Variants in NRXN1 observed in about 807,000 individuals in gnomAD.
NRXN1 encodes the protein neurexin 1, also known as neurexin-1.
In NRXN1, 39 loss-of-function variants were observed where a neutral mutation model predicts 150.9. The ratio of observed to expected loss-of-function variants is 0.26; its 90% CI spans 0.20 to 0.34. NRXN1 has a LOEUF of 0.34. Among genes scored for constraint, NRXN1 ranks in the 10% least tolerant of loss-of-function variants. The probability of loss-of-function intolerance (pLI) is 1.00; values close to 1 mark genes in which losing one functional copy is unlikely to be tolerated. For missense variants in NRXN1, 1,815 were observed against 1,949.9 expected (o/e 0.93, Z 1.30); for synonymous variants, 924 against 757.0 (o/e 1.22, Z -3.62).
intron 5 of NRXN1, among the ~76,000 whole-genome samples, chr2:50,678,919 A>G (rs1358314165): frequency 6.6e-6 from 1 of 152,064 alleles, no homozygotes; most frequent in African/African-American, 2.4e-5. Flanking sequence ...CTCAAAAGGG[A>G]ATTTATGAGA....
chr2:50,758,810 C>G (rs1574374711), intron 5 of NRXN1, among the ~76,000 whole-genome samples: 1 of 151,820 alleles, frequency 6.6e-6, no homozygotes, highest in African/African-American at 2.4e-5. Flanking sequence ...CTATTCGCAC[C>G]AACCTAATCA....
intron 5 of NRXN1, among the ~76,000 whole-genome samples, chr2:50,795,212 G>T (rs1251302399): frequency 2.6e-5 from 4 of 152,050 alleles, no homozygotes; most frequent in Non-Finnish European, 5.9e-5. Context: ...TTACCTGGAG[G>T]GTTTGGTAAG....
intron 5 of NRXN1, among the ~76,000 whole-genome samples, chr2:50,849,982 G>T (rs1164106439): frequency 6.6e-6 from 1 of 152,054 alleles, no homozygotes; most frequent in Non-Finnish European, 1.5e-5. Flanking sequence ...GAGGCAGGAA[G>T]ATCGCTTGAG....
In NRXN1 at chr2:50,347,748, G is replaced by T; in HGVS notation, c.3365-110778C>A. The T allele has an allele frequency of 1.0e-6, 1 of 986,242 alleles. No homozygotes were observed. Among genetic ancestry groups the T allele is most frequent in the Non-Finnish European group, 1.2e-6 (1 of 830,624 alleles). The allele number at this position is 986,242 out of a possible 1,614,324, so 61.1% of individuals were successfully genotyped here. ...AGAAACAGAAAAAGAAAAAGAAAAAGAAAAAAAGAAAAGAAAAACCACACA... is the reference window on the plus strand; with the variant it reads ...AGAAACAGAAAAAGAAAAAGAAAAATAAAAAAAGAAAAGAAAAACCACACA... On this transcript the variant is annotated intron_variant, in intron 17 of 22. Transcript: ENST00000401669. This position sits in a 1 kb window ranked among gnomAD's most constrained non-coding sequence, Gnocchi z 4.9.
At chr2:50,817,159 T>C (rs986696114) in intron 5 of NRXN1, among the ~76,000 whole-genome samples, 6 of 152,034 alleles carry the variant, frequency 3.9e-5, no homozygotes, top group South Asian at 2.1e-4. Flanking sequence ...TAAAAGGAGA[T>C]ACAACAGAGT....
At chr2:50,294,751 G>T (rs2073363763) in intron 17 of NRXN1, among the ~76,000 whole-genome samples, 1 of 152,156 alleles carries the variant, frequency 6.6e-6, no homozygotes, top group African/African-American at 2.4e-5. Flanking sequence ...TAAAATATCA[G>T]AACTTGCTGG....
intron 5 of NRXN1, among the ~76,000 whole-genome samples, chr2:50,861,596 G>T (rs980827307): frequency 6.6e-6 from 1 of 152,018 alleles, no homozygotes; most frequent in East Asian, 1.9e-4. Flanking sequence ...CCAGAGGAGC[G>T]TTTAGTCCAT....
At chr2:51,014,238 T>C (rs1668324590) in intron 2 of NRXN1, among the ~76,000 whole-genome samples, 3 of 151,926 alleles carry the variant, frequency 2.0e-5, no homozygotes, top group African/African-American at 4.8e-5. Context: ...TGATAGTGGG[T>C]AAAATAAACA....
At chr2:50,036,262 G>C (rs1382059541) in intron 21 of NRXN1, among the ~76,000 whole-genome samples, 1 of 152,076 alleles carries the variant, frequency 6.6e-6, no homozygotes, top group African/African-American at 2.4e-5. Context: ...GTGTGTGGTA[G>C]TTTCTCCTGC....
chr2:50,814,304 C>G (rs1320144251), intron 5 of NRXN1, among the ~76,000 whole-genome samples: 2 of 151,990 alleles, frequency 1.3e-5, no homozygotes, highest in African/African-American at 4.8e-5. Flanking sequence ...CCTTTCTTCT[C>G]AATTTTTTAA....
At chr2:50,683,591 C>T in intron 5 of NRXN1, among the ~76,000 whole-genome samples, 1 of 120,544 alleles carries the variant, frequency 8.3e-6, no homozygotes, top group Non-Finnish European at 1.7e-5. Flanking sequence ...AAGATCAAGC[C>T]ACTGCACTCC....
At chr2:50,394,747 A>G (rs2081956021) in intron 17 of NRXN1, among the ~76,000 whole-genome samples, 1 of 152,076 alleles carries the variant, frequency 6.6e-6, no homozygotes, top group South Asian at 2.1e-4. Flanking sequence ...TGGCTTTCTA[A>G]CACACTTAGG....
chr2:50,006,097 A>G (rs1684712838), intron 21 of NRXN1, among the ~76,000 whole-genome samples: 1 of 152,110 alleles, frequency 6.6e-6, no homozygotes, highest in Non-Finnish European at 1.5e-5. Flanking sequence ...ATTTGTAGAC[A>G]TGGAACTTCC....
intron 5 of NRXN1, among the ~76,000 whole-genome samples, chr2:50,759,292 T>C (rs531106097): frequency 3.9e-5 from 6 of 151,992 alleles, no homozygotes; most frequent in South Asian, 4.1e-4. Context: ...CAAAATCCCA[T>C]TGAAAACTCA....
At chr2:50,815,689 T>G (rs1219148847) in intron 5 of NRXN1, among the ~76,000 whole-genome samples, 1 of 152,178 alleles carries the variant, frequency 6.6e-6, no homozygotes, top group Non-Finnish European at 1.5e-5. Flanking sequence ...TGTGTGTATG[T>G]ATATGTGTGT....
At chr2:50,227,328 T>C (rs892046538) in intron 18 of NRXN1, among the ~76,000 whole-genome samples, 1 of 151,920 alleles carries the variant, frequency 6.6e-6, no homozygotes, top group Non-Finnish European at 1.5e-5. Flanking sequence ...TTGGGAAAAA[T>C]ACTTAAAGAA....
At chr2:51,010,578 T>C (rs965191314) in intron 2 of NRXN1, among the ~76,000 whole-genome samples, 2 of 152,032 alleles carry the variant, frequency 1.3e-5, no homozygotes, top group Non-Finnish European at 2.9e-5. Context: ...AGTGCTAATA[T>C]ATTTGTGAGG....
At chr2:50,329,381 G>C (rs562480841) in intron 17 of NRXN1, among the ~76,000 whole-genome samples, 3 of 150,604 alleles carry the variant, frequency 2.0e-5, no homozygotes, top group African/African-American at 7.3e-5. Flanking sequence ...AAAATGATAA[G>C]GACTGAAAAT....
intron 18 of NRXN1, among the ~76,000 whole-genome samples, chr2:50,107,540 T>TATATATATATATATATATATATATATA (rs1553617159): frequency 9.1e-6 from 1 of 110,472 alleles, no homozygotes; most frequent in African/African-American, 3.4e-5. Flanking sequence ...TATATATATA[T>TATATATATATATATATATATATATATA]TTTTTTTTTT....
Sources: allele counts gnomAD v4.1 joint callset (sites outside exome capture counted in the v4.1 genomes callset), GRCh38; gene constraint gnomAD v4.1.1; non-coding constraint Gnocchi (gnomAD v3.1); transcripts MANE v1.5; gene names NCBI Gene and HGNC (gene_info 2026-07-23, HGNC 2026-07-21).